The following NELFCD variants were observed in gnomAD, a reference collection of about 807,000 sequenced individuals.
NELFCD encodes negative elongation factor complex member C/D.
In NELFCD, 48 loss-of-function variants were observed where a neutral mutation model predicts 72.9. The observed-to-expected ratio is 0.66, with a 90% CI of 0.52 to 0.84. The LOEUF is 0.84. Ranked by LOEUF, NELFCD falls within the 40% of genes least tolerant of loss-of-function variation. The pLI, the probability that NELFCD is intolerant of heterozygous loss-of-function variation, is 0.00. For synonymous variants in NELFCD, 297 were observed against 280.6 expected, an observed-to-expected ratio of 1.06 and a Z score of -0.59; for missense variants, 538 against 723.8, an observed-to-expected ratio of 0.74 and a Z score of 2.94.
intron 4 of NELFCD, among the ~76,000 whole-genome samples, chr20:58,988,562 G>C (rs2091789498): frequency 6.6e-6 from 1 of 152,148 alleles, no homozygotes; most frequent in South Asian, 2.1e-4. Flanking sequence ...GAACACCTGT[G>C]CCATTTAAAT....
rs1362566773 is a variant in NELFCD at position 58,991,319 on chromosome 20, T to C, written c.962T>C (p.Val321Ala). 6.2e-7 allele frequency: 1 copy of C among 1,614,212 alleles called. No homozygotes were observed. Among genetic ancestry groups the C allele is most frequent in the Non-Finnish European group, 8.5e-7 (1 of 1,180,036 alleles). Residue 321 changes from valine (V) to alanine (A), a missense_variant, in exon 9 of 15, where the codon GTT (valine) becomes GCT (alanine). Val to Ala is a moderately conservative substitution (Grantham distance 64). Transcript: ENST00000652272. ...MDPPPVELIR[V>A]PAFLDLFMQS... ...GCATATGCTTCTCCTCAGATCCGCG[T>C]TCCAGCCTTCCTGGACCTGTTCATG... is the stretch of plus-strand genomic sequence containing the variant.
chr20:58,984,341 A>G (rs984040142), intron 1 of NELFCD, among the ~76,000 whole-genome samples: 4 of 152,198 alleles, frequency 2.6e-5, no homozygotes, highest in African/African-American at 9.7e-5. Flanking sequence ...GCTTACAAAG[A>G]TCACTGTGGC....
intron 1 of NELFCD, among the ~76,000 whole-genome samples, chr20:58,984,300 CTT>C (rs1488085912): frequency 6.6e-6 from 1 of 152,116 alleles, no homozygotes; most frequent in African/African-American, 2.4e-5. Flanking sequence ...AGATGGGAAT[CTT>C]TAAGCAGGAG....
chr20:58,987,747 A>T lies in NELFCD; in HGVS notation c.326A>T (p.His109Leu). ...PVQVQETVEN[H>L]LKSLLIKHFD... is the part of the protein sequence containing the mutation. Reference sequence around the variant, plus strand: ...CAGGTTCAGGAAACTGTGGAAAATCACTTGAAGAGTTTGCTGATCAAACAT... The same window carrying T: ...CAGGTTCAGGAAACTGTGGAAAATCTCTTGAAGAGTTTGCTGATCAAACAT... Residue 109 changes from histidine (H) to leucine (L), a missense_variant, in exon 4 of 15, where the codon CAC becomes CTC. By Grantham distance (99) the His-to-Leu change is moderately conservative. Transcript: ENST00000652272. The T allele has an allele frequency of 6.2e-7, 1 of 1,614,186 alleles. No homozygotes were observed. Among genetic ancestry groups the T allele is most frequent in the Non-Finnish European group, 8.5e-7 (1 of 1,180,038 alleles).
chr20:58,981,438 T>C, intron 1 of NELFCD, 69 bp downstream of exon 1: 6 of 603,262 alleles, frequency 9.9e-6, no homozygotes, highest in African/African-American at 2.0e-5. Context: ...CCGGCCCCAC[T>C]CCCGGAGAGG....
chr20:58,989,324 C>G (rs910577726), intron 5 of NELFCD, 164 bp from the exon 6 acceptor site: 10 of 808,422 alleles, frequency 1.2e-5, no homozygotes, highest in Non-Finnish European at 1.8e-5. Context: ...GTGGTCAGCC[C>G]AGGGCACACA....
At chr20:58,984,297 A>G (rs1434156833) in intron 1 of NELFCD, among the ~76,000 whole-genome samples, 1 of 152,114 alleles carries the variant, frequency 6.6e-6, no homozygotes, top group Non-Finnish European at 1.5e-5. Flanking sequence ...AGGAGATGGG[A>G]ATCTTTAAGC....
In NELFCD at chr20:58,991,995, T is replaced by C. The variant is rs2091821010; in HGVS notation, c.1204T>C (p.Leu402=). 5 of 1,614,198 alleles carry C rather than the reference T, an allele frequency of 3.1e-6. No homozygotes were observed. The East Asian group carries it at 1.1e-4, about 36-fold the overall frequency. The part of the protein sequence containing the change: ...NKGASELVAE[L]STLYQCIRFP... ...AGGGGCCTCTGAACTAGTGGCAGAA[T>C]TGAGCACACTTTATCAGTGTATTAG... Residue 402 remains leucine (L), a synonymous_variant, in exon 10 of 15, where the codon TTG becomes CTG. Transcript: ENST00000652272.
At chr20:58,985,832 C>G (rs1180283808) in intron 1 of NELFCD, among the ~76,000 whole-genome samples, 2 of 152,114 alleles carry the variant, frequency 1.3e-5, no homozygotes, top group Non-Finnish European at 2.9e-5. Context: ...AATGGACACT[C>G]AGAGAGGTTG....
chr20:58,987,037 C>A, intron 3 of NELFCD, 174 bp downstream of exon 3: 1 of 545,916 alleles, frequency 1.8e-6, no homozygotes, highest in Non-Finnish European at 3.2e-6. Flanking sequence ...TCATTTGTAT[C>A]TGCTTGCCTC....
rs2091838229 is a variant in NELFCD, at chr20:58,994,039, A to G, written c.1582-71A>G. The G allele has an allele frequency of 4.5e-6, 7 of 1,571,888 alleles. No homozygotes were observed. In the East Asian group the frequency reaches 9.0e-5, roughly 20 times the overall value. On this transcript the variant is annotated intron_variant, in intron 13 of 14. Transcript: ENST00000652272. ...AGGGATTTTTTCCAAACTGATGGCC[A>G]TTTCACCCGGATGTCGGTGGATGCC...
In NELFCD at chr20:58,993,793, T is replaced by C. The variant is rs1455462890; in HGVS notation, c.1581+29T>C. 1.2e-6 allele frequency: 2 copies of C among 1,611,520 alleles called. No homozygotes were observed. Among genetic ancestry groups the C allele is most frequent in the Admixed American group, 3.3e-5 (2 of 59,984 alleles). On this transcript the variant is annotated intron_variant, in intron 13 of 14. Coordinates refer to ENST00000652272, the MANE Select transcript of NELFCD (RefSeq NM_198976.4). The surrounding 1 kb of genome is among the most constrained non-coding windows in gnomAD (Gnocchi z 5.0). The stretch of plus-strand genomic sequence containing the variant: ...AGCAATGCACCGTTGGTTTCATGTT[T>C]CATACTGTTTACACTAGCACTGCCC...
rs767992166 is a variant in NELFCD at position 58,986,774 on chromosome 20, C to T, written c.197C>T (p.Ser66Phe). ...CCTAGGTATTTTCAGGCAGGAGGGT[C>T]TCCAGAGAATGTTATCCAGCTCTTA... ...TLKRYFQAGG[S>F]PENVIQLLSE... The change falls in exon 3 of 15, where the codon TCT (serine) becomes TTT (phenylalanine). Residue 66 changes from serine to phenylalanine, a missense_variant. By Grantham distance (155) the Ser-to-Phe change is radical. Coordinates refer to ENST00000652272, the MANE Select transcript of NELFCD (RefSeq NM_198976.4). This position sits in a 1 kb window ranked among gnomAD's most constrained non-coding sequence, Gnocchi z 4.4. 6.2e-7 allele frequency: 1 copy of T among 1,613,224 alleles called. No individual in the cohort carries two copies. The highest frequency in any genetic ancestry group is 1.1e-5 in the South Asian group (1 of 91,058).
At position 58,993,052 on chromosome 20, in the gene NELFCD, A is replaced by G; in HGVS notation, c.1284A>G (p.Glu428=). 1 of 1,614,208 alleles carries G rather than the reference A, an allele frequency of 6.2e-7. No individual in the cohort carries two copies. The change falls in exon 11 of 15, where the codon GAA becomes GAG. Residue 428 remains glutamate, a synonymous_variant. Transcript: ENST00000652272. This position sits in a 1 kb window ranked among gnomAD's most constrained non-coding sequence, Gnocchi z 5.0. ...VLKWVDWTVS[E]PRYFQLQTDH... is the part of the protein sequence containing the mutation. ...AGTGGGTGGATTGGACTGTATCAGA[A>G]CCAAGGTACTTTCAGCTGCAGACTG...
intron 1 of NELFCD, among the ~76,000 whole-genome samples, chr20:58,982,090 C>A (rs1485099834): frequency 1.3e-5 from 2 of 151,480 alleles, no homozygotes; most frequent in Non-Finnish European, 2.9e-5. Flanking sequence ...TCACGTCCCT[C>A]CCCTGGAGAC....
Position 58,993,414 on chromosome 20 carries a change from A to ACACACTTCGCTGAG in NELFCD, c.1345-34_1345-33insACACTTCGCTGAGC. On this transcript the variant is annotated intron_variant, in intron 11 of 14. Coordinates refer to ENST00000652272, the MANE Select transcript of NELFCD (RefSeq NM_198976.4). This position sits in a 1 kb window ranked among gnomAD's most constrained non-coding sequence, Gnocchi z 5.0. ...TTCTCTGTGTGCTGAGCGTGACCAC[A>ACACACTTCGCTGAG]CTGCTCAGCGAAGCTCCCTCTGGCC... is the stretch of plus-strand genomic sequence containing the variant. 1 of 1,588,890 alleles carries ACACACTTCGCTGAG rather than the reference A, an allele frequency of 6.3e-7. No homozygotes were observed. The highest frequency in any genetic ancestry group is 2.1e-4 in the Middle Eastern group (1 of 4,722).
intron 10 of NELFCD, among the ~76,000 whole-genome samples, 156 bp from the exon 11 acceptor site, chr20:58,992,842 C>T (rs2091827163): frequency 7.4e-6 from 1 of 135,782 alleles, no homozygotes. Context: ...GAGTGAGACC[C>T]TGTCTCAAAA....
chr20:58,984,671 G>T (rs2091760037), intron 1 of NELFCD, among the ~76,000 whole-genome samples: 2 of 152,178 alleles, frequency 1.3e-5, no homozygotes, highest in Non-Finnish European at 2.9e-5. Context: ...AAAGAGTTTG[G>T]ATACTTGTGA....
At position 58,989,862 on chromosome 20, in the gene NELFCD, T is replaced by TG. The variant is rs1322631366; in HGVS notation, c.664dup (p.Val222GlyfsTer45). On this transcript the variant is annotated frameshift_variant, in exon 7 of 15. Transcript: ENST00000652272. LOFTEE classifies it high-confidence loss of function. ...TCTCTCCCTGCAATCTTGCAGAAGA[T>TG]GGTGTGCCACGGGGAGCACACGTAC... The TG allele has an allele frequency of 6.2e-7, 1 of 1,614,172 alleles. No homozygotes were observed. The highest frequency in any genetic ancestry group is 1.3e-5 in the African/African-American group (1 of 75,060).
Sources: gnomAD v4.1 joint callset for allele counts (sites outside exome capture counted in the v4.1 genomes callset) on GRCh38, gnomAD v4.1.1 for gene constraint, Gnocchi (gnomAD v3.1) non-coding constraint, MANE v1.5 for transcripts, NCBI Gene and HGNC (gene_info 2026-07-23, HGNC 2026-07-21) for gene names.